ANO5: variants seen among roughly 807,000 people sequenced by gnomAD.
ANO5 encodes anoctamin 5.
Under a neutral mutation model 121.0 loss-of-function variants are expected in ANO5, and 109 were observed. The observed-to-expected ratio is 0.90, with a 90% CI of 0.77 to 1.06. The LOEUF (loss-of-function observed/expected upper bound fraction) is 1.06. ANO5 is among the 50% of genes least tolerant of loss of function. ANO5 has a pLI of 0.00. For synonymous variants in ANO5, 406 were observed against 359.9 expected (o/e 1.13, Z -1.45); for missense variants, 1,064 against 1,078.5 (o/e 0.99, Z 0.19).
chr11:22,264,720 G>A (rs534124080), intron 17 of ANO5, among the ~76,000 whole-genome samples: 1 of 152,028 alleles, frequency 6.6e-6, no homozygotes, highest in East Asian at 1.9e-4. Flanking sequence ...AATAGATCAG[G>A]AAATAAATAA....
In ANO5 at chr11:22,255,372, C is replaced by G. The variant is rs1853966507; in HGVS notation, c.1182C>G (p.Val394=). The change falls in exon 13 of 22, where the codon GTC becomes GTG. Residue 394 remains valine, a splice_region_variant and synonymous_variant. Transcript: ENST00000324559. ...VFFAIFMGIW[V]TLFLEFWKQR... ...TTTTATATATTTATTTACCTATAGT[C>G]ACCTTATTTTTGGAGTTTTGGAAAC... The G allele has an allele frequency of 6.2e-7, 1 of 1,604,478 alleles. No individual in the cohort carries two copies. Among genetic ancestry groups the G allele is most frequent in the Non-Finnish European group, 8.5e-7 (1 of 1,173,554 alleles).
At chr11:22,241,792 C>T (rs1853441682) in intron 9 of ANO5, among the ~76,000 whole-genome samples, 1 of 151,888 alleles carries the variant, frequency 6.6e-6, no homozygotes, top group East Asian at 1.9e-4. Context: ...GGATATTAGA[C>T]CTTTGTTGGA....
chr11:22,196,667 G>A lies in ANO5; in HGVS notation c.40+3135G>A, dbSNP rs539173774. Among the ~76,000 whole-genome samples the A allele has an allele frequency of 1.8e-3, 272 of 152,126 alleles. 3 individuals are homozygous for A. Among genetic ancestry groups the A allele is most frequent in the African/African-American group, 6.0e-3 (249 of 41,522 alleles). On this transcript the variant is annotated intron_variant, in intron 1 of 21. Coordinates refer to ENST00000324559, the MANE Select transcript of ANO5 (RefSeq NM_213599.3). The stretch of plus-strand genomic sequence containing the variant: ...AGGTGGATCATTAGGTCAAGAGATC[G>A]AAACCATCCTGGCCAACATGGTGAA...
Position 22,203,856 on chromosome 11 carries a change from T to C in ANO5, c.87+6T>C, listed in dbSNP as rs1248842597. On this transcript the variant is annotated splice_donor_region_variant and intron_variant, in intron 2 of 21. Coordinates refer to ENST00000324559, the MANE Select transcript of ANO5 (RefSeq NM_213599.3). ...ACTCTTTCCAAATGAGTGAGGTAAG[T>C]TAAATATATATGCATTAACTTCCTT... 6.9e-7 allele frequency: 1 copy of C among 1,458,492 alleles called. No homozygotes were observed. Among genetic ancestry groups the C allele is most frequent in the South Asian group, 1.1e-5 (1 of 87,128 alleles). 90.3% of individuals were successfully genotyped at this position (1,458,492 alleles called of 1,614,324 possible). A position where few individuals can be genotyped will look rare whatever the true frequency, so the allele number is the denominator to read the frequency against.
chr11:22,203,142 G>A (rs1195395698), intron 1 of ANO5, among the ~76,000 whole-genome samples: 1 of 152,038 alleles, frequency 6.6e-6, no homozygotes, highest in Non-Finnish European at 1.5e-5. Context: ...AACATTTTAT[G>A]TGGTTCCCAT....
chr11:22,202,273 T>A (rs940578098), intron 1 of ANO5, among the ~76,000 whole-genome samples: 1 of 152,102 alleles, frequency 6.6e-6, no homozygotes. Context: ...AATATTCCTC[T>A]GCAGAAAACT....
At chr11:22,244,295 A>G (rs1853543896) in intron 9 of ANO5, among the ~76,000 whole-genome samples, 1 of 152,000 alleles carries the variant, frequency 6.6e-6, no homozygotes, top group African/African-American at 2.4e-5. Flanking sequence ...ATGAGCTTCC[A>G]TTTGGATGTA....
intron 9 of ANO5, among the ~76,000 whole-genome samples, chr11:22,245,804 A>C (rs1048092264): frequency 1.3e-5 from 2 of 152,060 alleles, no homozygotes; most frequent in African/African-American, 4.8e-5. Context: ...TCATTTTCTC[A>C]TTGTGTGCCT....
At chr11:22,219,391 A>C (rs1378667776) in intron 4 of ANO5, among the ~76,000 whole-genome samples, 1 of 151,964 alleles carries the variant, frequency 6.6e-6, no homozygotes, top group Admixed American at 6.6e-5. Context: ...ATACGTGCAC[A>C]TGTTCTGTTA....
At chr11:22,219,580 A>G (rs1484386915) in intron 4 of ANO5, among the ~76,000 whole-genome samples, 1 of 151,954 alleles carries the variant, frequency 6.6e-6, no homozygotes, top group Non-Finnish European at 1.5e-5. Flanking sequence ...TTGAGCTTTG[A>G]TTTTATTTAG....
At chr11:22,203,717 A>C (rs906669558) in intron 1 of ANO5, 87 bp from the exon 2 acceptor site, 15 of 793,086 alleles carry the variant, frequency 1.9e-5, no homozygotes, top group Non-Finnish European at 2.9e-5. Flanking sequence ...AATTCATTCA[A>C]TTCCTATTTT....
Position 22,270,425 on chromosome 11 carries a change from A to G in ANO5, c.2012A>G (p.Tyr671Cys), listed in dbSNP as rs764261431. Residue 671 changes from tyrosine (Y) to cysteine (C), a missense_variant, in exon 18 of 22, where the codon TAT becomes TGT. Tyr to Cys is a radical substitution (Grantham distance 194, BLOSUM62 -2). Transcript: ENST00000324559. ...LESFGPLGLF[Y>C]EYLETVTQFG... ...AGTTTTGGACCCCTTGGGCTTTTCTATGAGTACTTAGAAACAGGTAATTTT... is the reference window on the plus strand; with the variant it reads ...AGTTTTGGACCCCTTGGGCTTTTCTGTGAGTACTTAGAAACAGGTAATTTT... The G allele has an allele frequency of 8.7e-6, 14 of 1,614,028 alleles. No homozygotes were observed. The highest frequency in any genetic ancestry group is 3.3e-5 in the Admixed American group (2 of 60,010).
intron 15 of ANO5, among the ~76,000 whole-genome samples, chr11:22,260,678 G>A (rs2133742492): frequency 6.6e-6 from 1 of 152,244 alleles, no homozygotes; most frequent in South Asian, 2.1e-4. Flanking sequence ...TAGGAATACA[G>A]CTACATTTCA....
At chr11:22,216,857 C>T (rs1852462855) in intron 3 of ANO5, among the ~76,000 whole-genome samples, 2 of 151,294 alleles carry the variant, frequency 1.3e-5, no homozygotes, top group African/African-American at 4.9e-5. Flanking sequence ...ATAATGTGGC[C>T]CTGCATGGTC....
chr11:22,208,101 A>T (rs1430189757), intron 2 of ANO5, among the ~76,000 whole-genome samples: 1 of 152,034 alleles, frequency 6.6e-6, no homozygotes, highest in African/African-American at 2.4e-5. Context: ...TGATACAGTC[A>T]CTCTGGAAAA....
chr11:22,205,537 CAAAAT>C (rs66490106), intron 2 of ANO5, among the ~76,000 whole-genome samples: 4,645 of 148,060 alleles, frequency 0.031, 218 homozygotes, highest in African/African-American at 0.11. Flanking sequence ...CAGGCTGTCT[CAAAAT>C]AAAATAAAAT....
At chr11:22,206,348 GCT>G (rs1852121539) in intron 2 of ANO5, among the ~76,000 whole-genome samples, 2 of 151,782 alleles carry the variant, frequency 1.3e-5, no homozygotes, top group South Asian at 4.2e-4. Context: ...ACAGAGTCTT[GCT>G]CTGTCACCCA....
In ANO5 at chr11:22,193,180, C is replaced by G. The variant is rs1564903367; in HGVS notation, c.-313C>G. 1 of 1,238,368 alleles carries G rather than the reference C, an allele frequency of 8.1e-7. No homozygotes were observed. Among genetic ancestry groups the G allele is most frequent in the African/African-American group, 1.5e-5 (1 of 64,526 alleles). The allele number at this position is 1,238,368 out of a possible 1,614,324, so 76.7% of individuals were successfully genotyped here. A position where few individuals can be genotyped will look rare whatever the true frequency, so the allele number is the denominator to read the frequency against. Reference sequence around the variant, plus strand: ...GGTGCCTGGAGAAGTACTGGGAGAGCGCCCAGGAGCGCTACCGGCTGAGGG... The same window carrying G: ...GGTGCCTGGAGAAGTACTGGGAGAGGGCCCAGGAGCGCTACCGGCTGAGGG... On this transcript the variant is annotated 5_prime_UTR_variant, in exon 1 of 22. Coordinates refer to ENST00000324559, the MANE Select transcript of ANO5 (RefSeq NM_213599.3).
At chr11:22,225,931 G>C in intron 5 of ANO5, 53 bp from the exon 6 acceptor site, 1 of 1,387,316 alleles carries the variant, frequency 7.2e-7, no homozygotes, top group Non-Finnish European at 1.0e-6. Context: ...TCAATACTGA[G>C]CAAATAAAAC....
Sources: allele counts gnomAD v4.1 joint callset (sites outside exome capture counted in the v4.1 genomes callset), GRCh38; gene constraint gnomAD v4.1.1; transcripts MANE v1.5; gene names NCBI Gene and HGNC (gene_info 2026-07-23, HGNC 2026-07-21).